Variants in AMBRA1 observed in about 807,000 individuals in gnomAD.
AMBRA1 encodes the protein autophagy and beclin 1 regulator 1.
In AMBRA1, 47 loss-of-function variants were observed where a neutral mutation model predicts 125.4. The observed-to-expected ratio is 0.37, with a 90% confidence interval of 0.30 to 0.48. AMBRA1 has a LOEUF of 0.48. Among genes scored for constraint, AMBRA1 ranks in the 20% least tolerant of loss-of-function variants. AMBRA1 has a pLI of 0.99. For missense variants in AMBRA1, 1,331 were observed against 1,693.4 expected (o/e 0.79, Z 3.76); for synonymous variants, 626 against 655.5 (o/e 0.95, Z 0.69).
intron 11 of AMBRA1, among the ~76,000 whole-genome samples, chr11:46,477,902 C>A (rs1187489196): frequency 2.6e-5 from 4 of 151,836 alleles, no homozygotes; most frequent in African/African-American, 7.3e-5. Flanking sequence ...ATGGCGAAAC[C>A]CCATCTCTAC....
intron 17 of AMBRA1, among the ~76,000 whole-genome samples, chr11:46,401,622 G>A (rs537318065): frequency 9.8e-5 from 15 of 152,298 alleles, no homozygotes; most frequent in African/African-American, 3.4e-4. Context: ...AGAGAGCCCC[G>A]GATGGGCTTT....
At chr11:46,536,395 G>A (rs1171838044) in intron 7 of AMBRA1, among the ~76,000 whole-genome samples, 1 of 152,204 alleles carries the variant, frequency 6.6e-6, no homozygotes, top group African/African-American at 2.4e-5. Flanking sequence ...AGTCAGGGAA[G>A]GTTTCCCAAG....
intron 15 of AMBRA1, among the ~76,000 whole-genome samples, chr11:46,416,721 TG>T: frequency 6.6e-6 from 1 of 152,324 alleles, no homozygotes; most frequent in South Asian, 2.1e-4. Context: ...CAGAACACTC[TG>T]GGAAAAGACT....
intron 9 of AMBRA1, 81 bp downstream of exon 9, chr11:46,508,110 T>G: frequency 7.0e-7 from 1 of 1,420,056 alleles, no homozygotes; most frequent in Non-Finnish European, 9.8e-7. Context: ...ACATCCACCA[T>G]TGTAGCTCCA....
chr11:46,427,557 G>A (rs1947206375), intron 14 of AMBRA1, among the ~76,000 whole-genome samples: 1 of 152,178 alleles, frequency 6.6e-6, no homozygotes, highest in Non-Finnish European at 1.5e-5. Context: ...AACACACATG[G>A]CTGGGCCTCG....
intron 9 of AMBRA1, among the ~76,000 whole-genome samples, chr11:46,500,439 C>A (rs1167056504): frequency 6.6e-6 from 1 of 152,170 alleles, no homozygotes; most frequent in African/African-American, 2.4e-5. Flanking sequence ...TGTACTATGC[C>A]CACTGCTTTC....
chr11:46,430,713 G>A (rs17787739), intron 14 of AMBRA1, among the ~76,000 whole-genome samples: 3,524 of 152,338 alleles, frequency 0.023, 63 homozygotes, highest in Middle Eastern at 0.034. Context: ...TCCTGGGAAT[G>A]TCTGTTGGCC....
At position 46,408,555 on chromosome 11, in the gene AMBRA1, C is replaced by T; in HGVS notation, c.3361G>A (p.Glu1121Lys). ...LQNAETQTER[E>K]VPEPGTAASG... The stretch of plus-strand genomic sequence containing the variant: ...GCGGCTGTCCCTGGCTCCGGCACCT[C>T]CCTCTCAGTCTGTGTTTCGGCATTC... Residue 1121 changes from glutamate to lysine, a missense_variant, in exon 17 of 18, where the codon GAG (glutamate) becomes AAG (lysine). Physicochemically the swap from Glu to Lys is moderately conservative, Grantham distance 56 (BLOSUM62 1). Transcript: ENST00000683756. 5 of 1,596,658 alleles carry T rather than the reference C, an allele frequency of 3.1e-6. No individual in the cohort carries two copies. Among genetic ancestry groups the T allele is most frequent in the Non-Finnish European group, 4.3e-6 (5 of 1,169,708 alleles).
chr11:46,552,546 G>A (rs1159977455), intron 1 of AMBRA1, among the ~76,000 whole-genome samples: 9 of 151,754 alleles, frequency 5.9e-5, no homozygotes, highest in Middle Eastern at 3.4e-3. Flanking sequence ...TTAGCTAGGC[G>A]TGATGGTACG....
intron 7 of AMBRA1, chr11:46,530,751 G>A (rs913260668): frequency 7.2e-5 from 11 of 152,120 alleles, no homozygotes; most frequent in Non-Finnish European, 1.5e-4. Flanking sequence ...GCCAAAACCA[G>A]CTATGAATGG....
At chr11:46,528,940 A>G (rs1952098532) in intron 7 of AMBRA1, among the ~76,000 whole-genome samples, 2 of 152,186 alleles carry the variant, frequency 1.3e-5, no homozygotes, top group Non-Finnish European at 2.9e-5. Flanking sequence ...AGAGGCAAAA[A>G]GAGTCACACG....
At chr11:46,480,733 G>C (rs1950029277) in intron 11 of AMBRA1, among the ~76,000 whole-genome samples, 1 of 152,046 alleles carries the variant, frequency 6.6e-6, no homozygotes, top group Non-Finnish European at 1.5e-5. Flanking sequence ...CTACAACTTT[G>C]GAAGCTACAT....
At chr11:46,503,149 C>T (rs1243546493) in intron 9 of AMBRA1, among the ~76,000 whole-genome samples, 1 of 151,580 alleles carries the variant, frequency 6.6e-6, no homozygotes, top group Non-Finnish European at 1.5e-5. Flanking sequence ...TAGCTTCTGG[C>T]CTATCTCAAG....
chr11:46,548,150 T>TA, intron 2 of AMBRA1, 96 bp downstream of exon 2: 1 of 1,539,890 alleles, frequency 6.5e-7, no homozygotes, highest in Non-Finnish European at 8.8e-7. Context: ...CCACACAAGA[T>TA]AAATATATCC....
intron 14 of AMBRA1, among the ~76,000 whole-genome samples, chr11:46,422,237 T>A (rs896728726): frequency 2.0e-5 from 3 of 152,164 alleles, no homozygotes; most frequent in African/African-American, 7.2e-5. Context: ...CCCTGGTATA[T>A]GACGAATGCT....
chr11:46,582,181 C>T lies in AMBRA1; in HGVS notation c.-121+11647G>A, dbSNP rs77763301. Among the ~76,000 whole-genome samples the T allele has an allele frequency of 7.0e-3, 1,058 of 152,010 alleles. 10 individuals carry two copies. Among genetic ancestry groups the T allele is most frequent in the African/African-American group, 0.022 (923 of 41,444 alleles). On this transcript the variant is annotated intron_variant, in intron 1 of 17. Transcript: ENST00000683756. ...CTAAGTCTCTATCCTCATTCTATGCCTCTTTCCTCCATCCCCTACTGTTCA... is the reference window on the plus strand; with the variant it reads ...CTAAGTCTCTATCCTCATTCTATGCTTCTTTCCTCCATCCCCTACTGTTCA...
Position 46,417,999 on chromosome 11 carries a change from A to G in AMBRA1, c.3030T>C (p.Ser1010=). 2 of 1,610,058 alleles carry G rather than the reference A, an allele frequency of 1.2e-6. No homozygotes were observed. Among genetic ancestry groups the G allele is most frequent in the Non-Finnish European group, 1.7e-6 (2 of 1,177,166 alleles). The stretch of plus-strand genomic sequence containing the variant: ...CAGGCAGCCAACGGGCAGAGTTGAT[A>G]CTGACATGTCTCCGCTGGTCGGCAG... ...PMPADQRRHV[S]INSARWLPEP... Residue 1010 remains serine (S), a synonymous_variant, in exon 15 of 18, where the codon AGT becomes AGC. Coordinates refer to ENST00000683756, the MANE Select transcript of AMBRA1 (RefSeq NM_001387011.1).
chr11:46,408,762 A>T, intron 16 of AMBRA1, 56 bp from the exon 17 acceptor site: 1 of 1,457,604 alleles, frequency 6.9e-7, no homozygotes, highest in Non-Finnish European at 9.1e-7. Flanking sequence ...CACCCCTCAC[A>T]GCACTCTGCT....
chr11:46,425,793 C>T (rs780124251), intron 14 of AMBRA1, among the ~76,000 whole-genome samples: 1 of 150,082 alleles, frequency 6.7e-6, no homozygotes, highest in South Asian at 2.1e-4. Context: ...GAGCCGAGAT[C>T]GTGCCACTGC....
Sources: gnomAD v4.1 joint callset for allele counts (sites outside exome capture counted in the v4.1 genomes callset) on GRCh38, gnomAD v4.1.1 for gene constraint, MANE v1.5 for transcripts, NCBI Gene and HGNC (gene_info 2026-07-23, HGNC 2026-07-21) for gene names.